Variants in SPAG16 observed in about 807,000 individuals in gnomAD.
SPAG16 encodes the protein sperm associated antigen 16, also known as sperm-associated antigen 16 protein.
Under a neutral mutation model 80.4 loss-of-function variants are expected in SPAG16, and 86 were observed. The ratio of observed to expected loss-of-function variants is 1.07; its 90% CI spans 0.90 to 1.28. The LOEUF (loss-of-function observed/expected upper bound fraction) is 1.28. Ranked by LOEUF, SPAG16 falls within the 50% of genes most tolerant of loss-of-function variation. SPAG16 has a pLI of 0.00. For synonymous variants in SPAG16, 294 were observed against 265.9 expected (o/e 1.11, Z -1.03); for missense variants, 870 against 765.3 (o/e 1.14, Z -1.61).
At chr2:213,610,373 A>C (rs1357740682) in intron 10 of SPAG16, among the ~76,000 whole-genome samples, 1 of 152,114 alleles carries the variant, frequency 6.6e-6, no homozygotes. Context: ...CTGAAAGTTT[A>C]ACACTTTTGA....
At chr2:214,375,160 C>T (rs909649059) in intron 15 of SPAG16, among the ~76,000 whole-genome samples, 1 of 152,272 alleles carries the variant, frequency 6.6e-6, no homozygotes, top group East Asian at 1.9e-4. Flanking sequence ...AGCTCACTTC[C>T]TTTAGCTCAC....
chr2:214,313,124 T>TA lies in SPAG16; in HGVS notation c.1721-97007dup, dbSNP rs367616594. On this transcript the variant is annotated intron_variant, in intron 15 of 15. Coordinates refer to ENST00000331683, the MANE Select transcript of SPAG16 (RefSeq NM_024532.5). ...ATTGTTTTCAGTAAACAAAATACTT[T>TA]AAAAAAAAACAGGTAAGTCAAATCA... Among the ~76,000 whole-genome samples, 148 of 151,198 alleles carry TA rather than the reference T, an allele frequency of 9.8e-4. 2 individuals are homozygous for TA. The South Asian group carries it at 0.018, about 18-fold the overall frequency.
At chr2:214,387,340 T>A (rs1334283543) in intron 15 of SPAG16, among the ~76,000 whole-genome samples, 1 of 152,198 alleles carries the variant, frequency 6.6e-6, no homozygotes, top group East Asian at 1.9e-4. Context: ...TTTCCACTTT[T>A]AAAAATAGGG....
intron 7 of SPAG16, among the ~76,000 whole-genome samples, chr2:213,358,377 A>G (rs111907683): frequency 0.22 from 33,142 of 152,098 alleles, 4,449 homozygotes; most frequent in Non-Finnish European, 0.31. Flanking sequence ...CATTCTCCCC[A>G]TCACTTTCAG....
chr2:213,677,369 A>C (rs1448065066), intron 10 of SPAG16, among the ~76,000 whole-genome samples: 6 of 152,198 alleles, frequency 3.9e-5, no homozygotes, highest in Non-Finnish European at 8.8e-5. Flanking sequence ...TATTTGGGAA[A>C]CCCATCTCAC....
chr2:214,215,781 C>T (rs1312854512), intron 15 of SPAG16, among the ~76,000 whole-genome samples: 2 of 152,176 alleles, frequency 1.3e-5, no homozygotes, highest in African/African-American at 4.8e-5. Flanking sequence ...CTCTGTCAAC[C>T]ATTACTATAA....
chr2:213,893,377 T>C (rs1420186808), intron 11 of SPAG16, among the ~76,000 whole-genome samples: 1 of 152,076 alleles, frequency 6.6e-6, no homozygotes, highest in Non-Finnish European at 1.5e-5. Flanking sequence ...TCTGAAGGTA[T>C]AAAACCCACT....
intron 10 of SPAG16, among the ~76,000 whole-genome samples, chr2:213,698,605 A>G (rs940833025): frequency 2.6e-5 from 4 of 152,088 alleles, no homozygotes; most frequent in East Asian, 1.9e-4. Flanking sequence ...CTCATTCTAC[A>G]TATTCTTTTA....
Position 214,281,262 on chromosome 2 carries a change from G to A in SPAG16, c.1721-128878G>A, listed in dbSNP as rs565443997. 1.0e-3 allele frequency: 264 copies of A among 255,386 alleles called. 2 individuals are homozygous for A. Among genetic ancestry groups the A allele is most frequent in the African/African-American group, 5.2e-3 (230 of 44,008 alleles). 15.8% of individuals were successfully genotyped at this position (255,386 alleles called of 1,614,324 possible). ...AGACTATCATATCCCCTTCTATACAGGCATAAGCAATATGACAAATGATAT... is the reference window on the plus strand; with the variant it reads ...AGACTATCATATCCCCTTCTATACAAGCATAAGCAATATGACAAATGATAT... On this transcript the variant is annotated intron_variant, in intron 15 of 15. Transcript: ENST00000331683.
At chr2:213,750,073 T>A (rs922681908) in intron 10 of SPAG16, among the ~76,000 whole-genome samples, 4 of 152,320 alleles carry the variant, frequency 2.6e-5, no homozygotes, top group African/African-American at 9.6e-5. Context: ...ACTTATTGTA[T>A]CCTGGAAATA....
At chr2:213,889,465 G>T (rs899364238) in intron 11 of SPAG16, among the ~76,000 whole-genome samples, 5 of 151,254 alleles carry the variant, frequency 3.3e-5, no homozygotes, top group African/African-American at 9.7e-5. Context: ...TGTCTTTTAA[G>T]GTAGGGGAAA....
At chr2:213,766,993 T>C (rs374561509) in intron 10 of SPAG16, among the ~76,000 whole-genome samples, 1 of 152,128 alleles carries the variant, frequency 6.6e-6, no homozygotes, top group Non-Finnish European at 1.5e-5. Flanking sequence ...TGGATAGGTT[T>C]TCAGTCAGGA....
intron 9 of SPAG16, among the ~76,000 whole-genome samples, chr2:213,460,248 T>A (rs1271957103): frequency 1.3e-5 from 2 of 152,236 alleles, no homozygotes; most frequent in African/African-American, 4.8e-5. Context: ...GTCCAAATTA[T>A]TTTTTAGATT....
intron 12 of SPAG16, among the ~76,000 whole-genome samples, chr2:213,944,653 G>C (rs1039530305): frequency 4.6e-5 from 7 of 152,062 alleles, no homozygotes; most frequent in Admixed American, 4.6e-4. Flanking sequence ...TATTTTTATT[G>C]TGAGAAGGAC....
intron 15 of SPAG16, among the ~76,000 whole-genome samples, chr2:214,288,212 A>G (rs1338833942): frequency 1.3e-5 from 2 of 152,132 alleles, no homozygotes; most frequent in Non-Finnish European, 2.9e-5. Context: ...ACTTAATGTA[A>G]CAACTTCCAG....
chr2:213,371,571 C>T (rs1451992191), intron 8 of SPAG16, among the ~76,000 whole-genome samples: 2 of 151,942 alleles, frequency 1.3e-5, no homozygotes, highest in Non-Finnish European at 2.9e-5. Flanking sequence ...ATTCATCCAC[C>T]CATCCATCTA....
At chr2:214,217,263 C>T (rs2058455614) in intron 15 of SPAG16, among the ~76,000 whole-genome samples, 1 of 152,226 alleles carries the variant, frequency 6.6e-6, no homozygotes, top group Admixed American at 6.5e-5. Flanking sequence ...GCTCTGCATA[C>T]ATTAGGCAGT....
chr2:213,549,716 G>T (rs540133852), intron 10 of SPAG16, among the ~76,000 whole-genome samples: 2 of 152,116 alleles, frequency 1.3e-5, no homozygotes, highest in Non-Finnish European at 2.9e-5. Flanking sequence ...CAGTAGTAGT[G>T]TTTGAAGTAC....
At chr2:213,415,749 G>T in intron 9 of SPAG16, among the ~76,000 whole-genome samples, 1 of 152,156 alleles carries the variant, frequency 6.6e-6, no homozygotes, top group East Asian at 1.9e-4. Context: ...GAGGGAATTT[G>T]GATGTCTTTG....
Sources: allele counts gnomAD v4.1 joint callset (sites outside exome capture counted in the v4.1 genomes callset), GRCh38; gene constraint gnomAD v4.1.1; transcripts MANE v1.5; gene names NCBI Gene and HGNC (gene_info 2026-07-23, HGNC 2026-07-21).